VPS53: variants seen among roughly 807,000 people sequenced by gnomAD.
The protein encoded by VPS53 is vacuolar protein sorting-associated protein 53 homolog.
A neutral mutation model predicts 107.0 loss-of-function variants in VPS53; 70 were observed. The ratio of observed to expected loss-of-function variants is 0.65; its 90% CI spans 0.54 to 0.80. The LOEUF (loss-of-function observed/expected upper bound fraction) is 0.80. Among genes scored for constraint, VPS53 ranks in the 30% least tolerant of loss-of-function variants. The pLI, the probability that VPS53 is intolerant of heterozygous loss-of-function variation, is 0.00. For missense variants in VPS53, 917 were observed against 1,049.4 expected, an observed-to-expected ratio of 0.87 and a Z score of 1.74; for synonymous variants, 409 against 393.3, an observed-to-expected ratio of 1.04 and a Z score of -0.47.
chr17:634,883 T>C (rs573156571), intron 7 of VPS53, among the ~76,000 whole-genome samples: 75 of 139,262 alleles, frequency 5.4e-4, no homozygotes, highest in Non-Finnish European at 9.1e-4. Flanking sequence ...TATAGCAGCA[T>C]GATTTATAAT....
intron 7 of VPS53, among the ~76,000 whole-genome samples, chr17:647,745 C>CA (rs556273742): frequency 2.6e-5 from 4 of 152,156 alleles, no homozygotes; most frequent in Non-Finnish European, 5.9e-5. Context: ...ACACTGAGCA[C>CA]ACGTTGCAAC....
intron 11 of VPS53, among the ~76,000 whole-genome samples, chr17:615,793 C>T (rs1969109246): frequency 6.6e-6 from 1 of 152,190 alleles, no homozygotes; most frequent in African/African-American, 2.4e-5. Context: ...CAGGGAGCAG[C>T]ATATCTCCAG....
chr17:537,294 A>G, intron 17 of VPS53, 118 bp from the exon 18 acceptor site: 1 of 1,214,300 alleles, frequency 8.2e-7, no homozygotes, highest in Non-Finnish European at 1.1e-6. Context: ...CCCAGGAATC[A>G]GGCCCTTTTG....
chr17:582,588 G>T (rs575798106), intron 13 of VPS53, among the ~76,000 whole-genome samples: 1 of 139,136 alleles, frequency 7.2e-6, no homozygotes, highest in East Asian at 2.6e-4. Flanking sequence ...GTGTTCCCAG[G>T]GAACTTCCCT....
Position 601,908 on chromosome 17 carries a change from A to G in VPS53, c.1117-12T>C. On this transcript the variant is annotated splice_polypyrimidine_tract_variant and intron_variant, in intron 11 of 21. Transcript: ENST00000437048. ...GACTCAAGCTTTTTCTGTTAGGTAG[A>G]TATGAGAAAGAGAAGTGTTTTCTGA... 1 of 1,559,512 alleles carries G rather than the reference A, an allele frequency of 6.4e-7. No homozygotes were observed. Among genetic ancestry groups the G allele is most frequent in the Non-Finnish European group, 8.7e-7 (1 of 1,150,098 alleles).
intron 4 of VPS53, among the ~76,000 whole-genome samples, chr17:695,368 G>A (rs1482371561): frequency 6.6e-6 from 1 of 152,136 alleles, no homozygotes; most frequent in African/African-American, 2.4e-5. Flanking sequence ...GGGTAAGATT[G>A]GGAAATGCGG....
At chr17:647,970 C>T (rs887611981) in intron 7 of VPS53, among the ~76,000 whole-genome samples, 16 of 152,176 alleles carry the variant, frequency 1.1e-4, no homozygotes, top group South Asian at 2.1e-4. Context: ...GCACCCACAC[C>T]GTGAATGCGT....
intron 18 of VPS53, chr17:533,112 G>A (rs747383785): frequency 2.0e-5 from 17 of 841,802 alleles, no homozygotes; most frequent in Admixed American, 1.5e-4. Flanking sequence ...TGGCAGGCCC[G>A]GGAAAACCGG....
intron 4 of VPS53, among the ~76,000 whole-genome samples, chr17:680,584 A>G (rs1442472696): frequency 6.6e-6 from 1 of 152,212 alleles, no homozygotes; most frequent in Non-Finnish European, 1.5e-5. Context: ...ATAAAATCCA[A>G]CGTCTATTTT....
At chr17:604,243 G>A (rs763068926) in intron 11 of VPS53, among the ~76,000 whole-genome samples, 3 of 152,102 alleles carry the variant, frequency 2.0e-5, no homozygotes, top group African/African-American at 4.8e-5. Context: ...CTCTGCTCTC[G>A]CTGGCATAAA....
At chr17:623,311 T>C (rs1055070287) in intron 11 of VPS53, among the ~76,000 whole-genome samples, 1 of 152,068 alleles carries the variant, frequency 6.6e-6, no homozygotes, top group Admixed American at 6.6e-5. Flanking sequence ...TTAAGAAAAA[T>C]GATGACAGGG....
chr17:536,702 G>C, intron 18 of VPS53: 1 of 240,546 alleles, frequency 4.2e-6, no homozygotes, highest in East Asian at 1.1e-4. Flanking sequence ...GGGAAGTATG[G>C]TTTTAAAAAC....
At chr17:619,769 C>T (rs8078852) in intron 11 of VPS53, among the ~76,000 whole-genome samples, 1,161 of 124,836 alleles carry the variant, frequency 9.3e-3, no homozygotes, top group Admixed American at 0.013. Flanking sequence ...TACAGGCGTG[C>T]ACCACCACGC....
chr17:572,630 G>A (rs1003339049), intron 13 of VPS53, among the ~76,000 whole-genome samples: 6 of 151,754 alleles, frequency 4.0e-5, no homozygotes, highest in African/African-American at 7.3e-5. Context: ...GATGGTTGCC[G>A]TGTCTGTGTG....
At chr17:662,033 G>T (rs907096250) in intron 4 of VPS53, 138 bp from the exon 5 acceptor site, 1 of 732,368 alleles carries the variant, frequency 1.4e-6, no homozygotes, top group African/African-American at 1.8e-5. Context: ...AATTTTTCTG[G>T]ACCAAAATAG....
intron 19 of VPS53, among the ~76,000 whole-genome samples, chr17:526,749 A>G (rs1324546894): frequency 6.6e-6 from 1 of 152,248 alleles, no homozygotes; most frequent in African/African-American, 2.4e-5. Flanking sequence ...CCAGTATGCC[A>G]TGCCTGTGAA....
At chr17:707,878 C>G (rs1290808871) in intron 2 of VPS53, among the ~76,000 whole-genome samples, 1 of 150,614 alleles carries the variant, frequency 6.6e-6, no homozygotes, top group Non-Finnish European at 1.5e-5. Context: ...AGAAAAAAAG[C>G]ATTTCACTGA....
At chr17:587,707 T>C (rs2143001034) in intron 12 of VPS53, among the ~76,000 whole-genome samples, 1 of 152,344 alleles carries the variant, frequency 6.6e-6, no homozygotes. Context: ...GTGAATTCTG[T>C]CTATTGCCAA....
intron 12 of VPS53, among the ~76,000 whole-genome samples, chr17:588,787 A>AG: frequency 6.6e-6 from 1 of 152,302 alleles, no homozygotes; most frequent in African/African-American, 2.4e-5. Flanking sequence ...CTAGAATTCC[A>AG]CTTGAGTGCA....
Sources: gnomAD v4.1 joint callset for allele counts (sites outside exome capture counted in the v4.1 genomes callset) on GRCh38, gnomAD v4.1.1 for gene constraint, MANE v1.5 for transcripts, NCBI Gene and HGNC (gene_info 2026-07-23, HGNC 2026-07-21) for gene names.